AFF3: variants seen among roughly 807,000 people sequenced by gnomAD.
AFF3 encodes the protein ALF transcription elongation factor 3.
A neutral mutation model predicts 129.7 loss-of-function variants in AFF3; 32 were observed. The ratio of observed to expected loss-of-function variants is 0.25; its 90% CI spans 0.19 to 0.33. The LOEUF (loss-of-function observed/expected upper bound fraction) is 0.33. Ranked by LOEUF, AFF3 falls within the 10% of genes least tolerant of loss-of-function variation. The pLI is 1.00. For synonymous variants in AFF3, 644 were observed against 635.4 expected (o/e 1.01, Z -0.20); for missense variants, 1,373 against 1,592.0 (o/e 0.86, Z 2.34).
At position 99,661,394 on chromosome 2, in the gene AFF3, T is replaced by C. The variant is rs555094174; in HGVS notation, c.1143+11144A>G. 2.0e-5 allele frequency among the ~76,000 whole-genome samples: 3 copies of C among 152,352 alleles called. No individual in the cohort carries two copies. The East Asian group carries it at 5.8e-4, about 29-fold the overall frequency. ...CTTACTTTCAAAAATGTAGATCCTT[T>C]TATGAATTCTTCATCATAACAAAGG... is the stretch of plus-strand genomic sequence containing the variant. On this transcript the variant is annotated intron_variant, in intron 12 of 24. Coordinates refer to ENST00000672756, the MANE Select transcript of AFF3 (RefSeq NM_001386135.1).
At chr2:99,872,098 C>T (rs1029779319) in intron 7 of AFF3, among the ~76,000 whole-genome samples, 5 of 145,740 alleles carry the variant, frequency 3.4e-5, no homozygotes, top group South Asian at 2.3e-4. Flanking sequence ...CCCAGCTACT[C>T]GGGAGGCTGA....
At chr2:99,567,134 A>AT (rs35594854) in intron 19 of AFF3, among the ~76,000 whole-genome samples, 6,255 of 129,946 alleles carry the variant, frequency 0.048, 290 homozygotes, top group Admixed American at 0.14. Context: ...CACCTGGCTC[A>AT]TTTTTTTTTT....
At chr2:99,916,028 C>A (rs1306775315) in intron 7 of AFF3, among the ~76,000 whole-genome samples, 1 of 152,050 alleles carries the variant, frequency 6.6e-6, no homozygotes, top group Non-Finnish European at 1.5e-5. Flanking sequence ...ATCAAAGGAA[C>A]CTAAAGAGAC....
intron 7 of AFF3, among the ~76,000 whole-genome samples, chr2:99,935,117 G>A (rs192550543): frequency 7.9e-5 from 12 of 152,270 alleles, no homozygotes; most frequent in Admixed American, 2.0e-4. Context: ...CTAATGTTTC[G>A]CATTAGCACA....
At chr2:99,915,830 A>G (rs908372193) in intron 7 of AFF3, among the ~76,000 whole-genome samples, 6 of 152,150 alleles carry the variant, frequency 3.9e-5, no homozygotes, top group Non-Finnish European at 7.4e-5. Context: ...CAAATTTTTA[A>G]TTATGGAATT....
chr2:99,650,796 ATGTGTGTGTGTGTG>A (rs142082185), intron 12 of AFF3, among the ~76,000 whole-genome samples: 35 of 144,756 alleles, frequency 2.4e-4, no homozygotes, highest in Non-Finnish European at 2.4e-4. Flanking sequence ...ACTAAAATTA[ATGTGTGTGTGTGTG>A]TGTGTGTGTG....
chr2:99,765,424 G>A (rs1369900512), intron 8 of AFF3, among the ~76,000 whole-genome samples: 1 of 152,220 alleles, frequency 6.6e-6, no homozygotes, highest in East Asian at 1.9e-4. Context: ...GAGAAGCAGA[G>A]GGTAGAAGAG....
intron 4 of AFF3, among the ~76,000 whole-genome samples, chr2:100,016,919 G>A (rs994788121): frequency 6.6e-6 from 1 of 151,628 alleles, no homozygotes; most frequent in African/African-American, 2.4e-5. Context: ...GGTGGTGATT[G>A]TTATGATAAT....
At chr2:99,942,026 G>A (rs1336781177) in intron 7 of AFF3, among the ~76,000 whole-genome samples, 1 of 152,166 alleles carries the variant, frequency 6.6e-6, no homozygotes, top group African/African-American at 2.4e-5. Flanking sequence ...ATATATAAGT[G>A]TAAGCAGCCT....
intron 2 of AFF3, among the ~76,000 whole-genome samples, chr2:100,128,367 G>A (rs1410153943): frequency 6.6e-6 from 1 of 152,128 alleles, no homozygotes; most frequent in African/African-American, 2.4e-5. Flanking sequence ...TTTAAAACAG[G>A]TATGGATAAT....
intron 13 of AFF3, among the ~76,000 whole-genome samples, chr2:99,638,604 C>T (rs878872508): frequency 1.3e-5 from 2 of 152,264 alleles, no homozygotes; most frequent in Admixed American, 1.3e-4. Flanking sequence ...AAGTCTTCTC[C>T]ACTAGCAGAG....
intron 15 of AFF3, among the ~76,000 whole-genome samples, chr2:99,592,173 C>T (rs960177915): frequency 2.0e-5 from 3 of 152,178 alleles, no homozygotes; most frequent in South Asian, 2.1e-4. Context: ...CAAAAACCTT[C>T]GAAATGGGCT....
At chr2:99,827,964 T>A (rs536217960) in intron 8 of AFF3, among the ~76,000 whole-genome samples, 1 of 151,788 alleles carries the variant, frequency 6.6e-6, no homozygotes, top group Non-Finnish European at 1.5e-5. Flanking sequence ...CTGCGGAGGG[T>A]GACGAGGACA....
At chr2:99,649,597 T>G in intron 13 of AFF3, 29 bp downstream of exon 13, 1 of 1,610,848 alleles carries the variant, frequency 6.2e-7, no homozygotes, top group South Asian at 1.1e-5. Flanking sequence ...ATAAAGCAAT[T>G]TATAGTTCAT....
intron 8 of AFF3, among the ~76,000 whole-genome samples, chr2:99,817,762 A>G (rs1334876543): frequency 6.6e-6 from 1 of 152,210 alleles, no homozygotes; most frequent in East Asian, 1.9e-4. Flanking sequence ...GCCTGGGTCA[A>G]GCACATGTTG....
intron 7 of AFF3, among the ~76,000 whole-genome samples, chr2:99,900,832 GCTGT>G (rs1423733087): frequency 6.6e-6 from 1 of 152,202 alleles, no homozygotes; most frequent in African/African-American, 2.4e-5. Flanking sequence ...ATGACGAAAG[GCTGT>G]CTGGCAGGTT....
chr2:100,042,388 T>C (rs527926236), intron 4 of AFF3, among the ~76,000 whole-genome samples: 1 of 152,316 alleles, frequency 6.6e-6, no homozygotes, highest in East Asian at 1.9e-4. Context: ...TTTTTTCTGA[T>C]TATCCGGACC....
intron 7 of AFF3, among the ~76,000 whole-genome samples, chr2:99,852,667 A>C (rs1005772061): frequency 9.2e-5 from 14 of 152,192 alleles, no homozygotes; most frequent in South Asian, 2.1e-4. Context: ...GGGAGCAGGC[A>C]AAAAACAAAC....
At chr2:99,585,022 G>A (rs889435712) in intron 16 of AFF3, among the ~76,000 whole-genome samples, 33 of 152,296 alleles carry the variant, frequency 2.2e-4, no homozygotes, top group East Asian at 1.3e-3. Flanking sequence ...CCAAAAGCAC[G>A]GTGTGTCTAA....
Sources: gnomAD v4.1 joint callset for allele counts (sites outside exome capture counted in the v4.1 genomes callset) on GRCh38, gnomAD v4.1.1 for gene constraint, MANE v1.5 for transcripts, NCBI Gene and HGNC (gene_info 2026-07-23, HGNC 2026-07-21) for gene names.